IL6R: variants seen among roughly 807,000 people sequenced by gnomAD.
IL6R encodes the protein interleukin-6 receptor subunit alpha.
Under a neutral mutation model 48.3 loss-of-function variants are expected in IL6R, and 38 were observed. That is an observed-to-expected ratio of 0.79 (90% confidence interval 0.61 to 1.03). The LOEUF is 1.03. Ranked by LOEUF, IL6R falls within the 50% of genes least tolerant of loss-of-function variation. IL6R has a pLI of 0.00. For missense variants in IL6R, 534 were observed against 618.3 expected, an observed-to-expected ratio of 0.86 and a Z score of 1.45; for synonymous variants, 264 against 256.2, an observed-to-expected ratio of 1.03 and a Z score of -0.29.
intron 1 of IL6R, among the ~76,000 whole-genome samples, chr1:154,408,600 G>C (rs1388698498): frequency 6.6e-5 from 10 of 152,180 alleles, no homozygotes; most frequent in Admixed American, 5.2e-4. Context: ...TCCTGACCCT[G>C]ACCCTCATCT....
intron 8 of IL6R, 32 bp downstream of exon 8, chr1:154,450,012 T>C: frequency 7.3e-7 from 1 of 1,370,638 alleles, no homozygotes; most frequent in Non-Finnish European, 1.0e-6. Context: ...ATTCCCAGGG[T>C]CCGAGGGACA....
At chr1:154,423,646 G>A (rs1007606812) in intron 1 of IL6R, among the ~76,000 whole-genome samples, 3 of 152,160 alleles carry the variant, frequency 2.0e-5, no homozygotes, top group African/African-American at 7.2e-5. Flanking sequence ...TTAACACAGT[G>A]TTGTTCGCAG....
intron 3 of IL6R, among the ~76,000 whole-genome samples, chr1:154,433,877 G>A (rs1689448550): frequency 6.6e-6 from 1 of 151,938 alleles, no homozygotes; most frequent in South Asian, 2.1e-4. Flanking sequence ...CACCACGCCA[G>A]GCTAATTTTT....
At chr1:154,441,394 G>A (rs1689925790) in intron 6 of IL6R, among the ~76,000 whole-genome samples, 1 of 152,112 alleles carries the variant, frequency 6.6e-6, no homozygotes, top group Non-Finnish European at 1.5e-5. Flanking sequence ...TAGAACAGTC[G>A]GTTTCTTCTC....
intron 1 of IL6R, chr1:154,414,971 C>T: frequency 7.0e-7 from 1 of 1,433,836 alleles, no homozygotes; most frequent in Non-Finnish European, 9.6e-7. Context: ...CCCCGATCTT[C>T]AGTATGTCAC....
rs779356757 is a variant in IL6R at position 154,434,997 on chromosome 1, T to A, written c.648T>A (p.Pro216=). ...TGCTCACTTTTCCCACAGTGCAGCC[T>A]GATCCGCCTGCCAACATCACAGTCA... ...QTFQGCGILQ[P]DPPANITVTA... The change falls in exon 5 of 10, where the codon CCT becomes CCA. Residue 216 remains proline (P), a synonymous_variant. Coordinates refer to ENST00000368485, the MANE Select transcript of IL6R (RefSeq NM_000565.4). 4.3e-6 allele frequency: 7 copies of A among 1,613,988 alleles called. No individual in the cohort carries two copies. The East Asian group carries it at 1.6e-4, about 36-fold the overall frequency.
At chr1:154,414,806 G>A (rs922297815) in intron 1 of IL6R, 51 of 756,410 alleles carry the variant, frequency 6.7e-5, no homozygotes, top group Non-Finnish European at 1.1e-4. Context: ...TCAGCCACCC[G>A]CTTCTGGGAC....
intron 1 of IL6R, chr1:154,415,080 C>T: frequency 3.0e-6 from 4 of 1,350,454 alleles, no homozygotes; most frequent in Middle Eastern, 3.7e-4. Context: ...CTCTTCCCTG[C>T]ACTTGCTAAG....
intron 1 of IL6R, among the ~76,000 whole-genome samples, chr1:154,413,223 A>G (rs1688134900): frequency 6.6e-6 from 1 of 152,190 alleles, no homozygotes; most frequent in Admixed American, 6.5e-5. Context: ...GCTGGTCTCA[A>G]ACTCCTGACC....
At chr1:154,430,731 G>T in intron 3 of IL6R, 125 bp downstream of exon 3, 1 of 1,229,700 alleles carries the variant, frequency 8.1e-7, no homozygotes. Flanking sequence ...GGCTGAGGAA[G>T]AGGAGATGAG....
intron 9 of IL6R, among the ~76,000 whole-genome samples, chr1:154,455,517 G>A (rs1461816488): frequency 6.8e-6 from 1 of 146,074 alleles, no homozygotes; most frequent in Admixed American, 6.8e-5. Flanking sequence ...GCAGTGGTGC[G>A]ATCTCAGCTC....
At chr1:154,411,864 T>A (rs1480161314) in intron 1 of IL6R, among the ~76,000 whole-genome samples, 1 of 151,732 alleles carries the variant, frequency 6.6e-6, no homozygotes, top group Non-Finnish European at 1.5e-5. Context: ...CAAGACCCTG[T>A]CTCAACAACA....
intron 9 of IL6R, among the ~76,000 whole-genome samples, chr1:154,459,104 T>C (rs1157290460): frequency 6.6e-6 from 1 of 152,070 alleles, no homozygotes; most frequent in Non-Finnish European, 1.5e-5. Flanking sequence ...TGCTATTGGC[T>C]AAGAGCTGGG....
rs113841120 is a variant in IL6R at position 154,427,391 on chromosome 1, G to A, written c.86-1805G>A. 2.8e-3 allele frequency among the ~76,000 whole-genome samples: 422 copies of A among 152,304 alleles called. 6 individuals carry two copies. Among genetic ancestry groups the A allele is most frequent in the Middle Eastern group, 0.014 (4 of 294 alleles). ...TTATCAAACACAGGACTTGCCCACC[G>A]TGGGAGAAAGTAAGGCCATAGGTGT... is the stretch of plus-strand genomic sequence containing the variant. On this transcript the variant is annotated intron_variant, in intron 1 of 9. Coordinates refer to ENST00000368485, the MANE Select transcript of IL6R (RefSeq NM_000565.4).
chr1:154,457,628 C>T (rs967626093), intron 9 of IL6R, among the ~76,000 whole-genome samples: 3 of 152,186 alleles, frequency 2.0e-5, no homozygotes, highest in African/African-American at 7.2e-5. Context: ...GCAGAAAAGT[C>T]AGCCAATAGT....
At position 154,424,174 on chromosome 1, in the gene IL6R, G is replaced by T. The variant is rs191032952; in HGVS notation, c.86-5022G>T. Among the ~76,000 whole-genome samples the T allele has an allele frequency of 1.8e-4, 28 of 152,288 alleles. 1 individual carries two copies. The highest frequency in any genetic ancestry group is 6.3e-4 in the African/African-American group (26 of 41,558). On this transcript the variant is annotated intron_variant, in intron 1 of 9. Transcript: ENST00000368485. Reference sequence around the variant, plus strand: ...AGACCCCTTCACCTGCAAACCGTGCGCCTGGGAGTTTTTGGTGCCGAGACC... The same window carrying T: ...AGACCCCTTCACCTGCAAACCGTGCTCCTGGGAGTTTTTGGTGCCGAGACC...
At chr1:154,406,397 G>GA (rs1236256121) in intron 1 of IL6R, 1 of 152,260 alleles carries the variant, frequency 6.6e-6, no homozygotes, top group Non-Finnish European at 1.5e-5. Context: ...CTCCCCTCTA[G>GA]AAAAGAGAAG....
chr1:154,422,827 A>G (rs1466763503), intron 1 of IL6R, among the ~76,000 whole-genome samples: 3 of 152,210 alleles, frequency 2.0e-5, no homozygotes, highest in Non-Finnish European at 4.4e-5. Flanking sequence ...ATCTCCCAGG[A>G]CCAGGAAGGA....
At chr1:154,451,633 G>A (rs1466814231) in intron 8 of IL6R, among the ~76,000 whole-genome samples, 3 of 151,722 alleles carry the variant, frequency 2.0e-5, no homozygotes, top group South Asian at 2.1e-4. Context: ...ACGGAGTCTC[G>A]TCAAGCGATT....
Sources: gnomAD v4.1 joint callset for allele counts (sites outside exome capture counted in the v4.1 genomes callset) on GRCh38, gnomAD v4.1.1 for gene constraint, MANE v1.5 for transcripts, NCBI Gene and HGNC (gene_info 2026-07-23, HGNC 2026-07-21) for gene names.